Variants in MTHFD2L observed in about 807,000 individuals in gnomAD.
MTHFD2L encodes bifunctional methylenetetrahydrofolate dehydrogenase/cyclohydrolase 2, mitochondrial.
MTHFD2L carries 29 observed loss-of-function variants against 34.9 expected under a neutral mutation model. The ratio of observed to expected loss-of-function variants is 0.83; its 90% CI spans 0.62 to 1.13. MTHFD2L has a LOEUF of 1.13. Ranked by LOEUF, MTHFD2L falls within the 50% of genes most tolerant of loss-of-function variation. The probability of loss-of-function intolerance (pLI) is 0.00; values close to 1 mark genes in which losing one functional copy is unlikely to be tolerated. For synonymous variants in MTHFD2L, 167 were observed against 155.7 expected (o/e 1.07, Z -0.54); for missense variants, 481 against 446.5 (o/e 1.08, Z -0.70).
chr4:74,154,898 C>G (rs1261717031), upstream of MTHFD2L, among the ~76,000 whole-genome samples: 2 of 152,012 alleles, frequency 1.3e-5, no homozygotes, highest in Admixed American at 1.3e-4. Flanking sequence ...TATATGTAAC[C>G]ATCTGTATTT....
chr4:74,162,470 T>C (rs1560428206), intron 1 of MTHFD2L, among the ~76,000 whole-genome samples: 1 of 151,604 alleles, frequency 6.6e-6, no homozygotes, highest in Non-Finnish European at 1.5e-5. Context: ...AAAGTGAGGG[T>C]GTGTGTATAG....
intron 1 of MTHFD2L, among the ~76,000 whole-genome samples, chr4:74,126,700 T>A (rs1722099931): frequency 6.6e-6 from 1 of 152,258 alleles, no homozygotes; most frequent in Middle Eastern, 3.4e-3. Context: ...ATAAAAAATA[T>A]GGTGCCCTCC....
At chr4:74,298,388 T>C (rs1749883352) in intron 7 of MTHFD2L, among the ~76,000 whole-genome samples, 2 of 152,032 alleles carry the variant, frequency 1.3e-5, no homozygotes, top group Admixed American at 1.3e-4. Flanking sequence ...TGTGTTGGTT[T>C]CCACCAGCGA....
chr4:74,272,204 A>G (rs1309280697), intron 6 of MTHFD2L, among the ~76,000 whole-genome samples: 1 of 152,186 alleles, frequency 6.6e-6, no homozygotes, highest in East Asian at 1.9e-4. Context: ...CTCCCCTTTC[A>G]GAGTATCAAA....
intron 7 of MTHFD2L, among the ~76,000 whole-genome samples, chr4:74,298,543 A>G (rs1368656606): frequency 3.9e-5 from 6 of 152,034 alleles, no homozygotes; most frequent in African/African-American, 7.2e-5. Context: ...TCTGAAAAAC[A>G]TAATTTGGAA....
At chr4:74,262,409 A>G (rs553620188) in intron 6 of MTHFD2L, among the ~76,000 whole-genome samples, 1 of 152,064 alleles carries the variant, frequency 6.6e-6, no homozygotes, top group African/African-American at 2.4e-5. Context: ...AGGTATATAT[A>G]TATAATTCCT....
chr4:74,262,512 C>T lies in MTHFD2L; in HGVS notation c.806-18913C>T, dbSNP rs1003332792. Among the ~76,000 whole-genome samples, 3 of 151,730 alleles carry T rather than the reference C, an allele frequency of 2.0e-5. No individual in the cohort carries two copies. The East Asian group carries it at 5.8e-4, about 29-fold the overall frequency. On this transcript the variant is annotated intron_variant, in intron 6 of 7. Coordinates refer to ENST00000325278, the MANE Select transcript of MTHFD2L (RefSeq NM_001144978.3). ...TTATACATAACAAAGAATTAGTATG[C>T]AGCATATATAAATATGTTTTTAAAA...
intron 6 of MTHFD2L, among the ~76,000 whole-genome samples, chr4:74,246,575 A>T (rs933233753): frequency 1.8e-4 from 27 of 152,098 alleles, no homozygotes; most frequent in African/African-American, 6.0e-4. Flanking sequence ...CTGAATGGTA[A>T]TGCCTAGGTT....
intron 3 of MTHFD2L, among the ~76,000 whole-genome samples, chr4:74,186,870 G>T (rs1731382410): frequency 6.6e-6 from 1 of 152,078 alleles, no homozygotes; most frequent in Admixed American, 6.5e-5. Context: ...TTGAAAATGA[G>T]TAACATGGAG....
At chr4:74,243,208 T>C (rs1741956942) in intron 6 of MTHFD2L, among the ~76,000 whole-genome samples, 1 of 152,234 alleles carries the variant, frequency 6.6e-6, no homozygotes, top group Admixed American at 6.5e-5. Context: ...TTTTGTAGTT[T>C]TCTTTTACCT....
upstream of MTHFD2L, chr4:74,158,089 T>C (rs1437402715): frequency 6.5e-7 from 1 of 1,532,036 alleles, no homozygotes. Context: ...CCGCGAGGAC[T>C]GGAGTCGCGG....
chr4:74,294,669 C>T (rs750840850), intron 7 of MTHFD2L, among the ~76,000 whole-genome samples: 4 of 152,006 alleles, frequency 2.6e-5, no homozygotes, highest in Admixed American at 6.6e-5. Context: ...TAGTTTCTTC[C>T]ATCATCTCTA....
chr4:74,259,691 T>G (rs930471620), intron 6 of MTHFD2L, among the ~76,000 whole-genome samples: 2 of 152,172 alleles, frequency 1.3e-5, no homozygotes, highest in African/African-American at 4.8e-5. Context: ...AGGAGACTGG[T>G]AGTCCATGAA....
intron 6 of MTHFD2L, among the ~76,000 whole-genome samples, chr4:74,235,474 C>T (rs1578564843): frequency 6.6e-6 from 1 of 152,136 alleles, no homozygotes; most frequent in East Asian, 1.9e-4. Context: ...GTTGATGACA[C>T]TAGGTGTTAT....
chr4:74,255,201 T>G (rs1243796225), intron 6 of MTHFD2L, among the ~76,000 whole-genome samples: 1 of 148,284 alleles, frequency 6.7e-6, no homozygotes, highest in East Asian at 2.0e-4. Context: ...AAATGTAAAT[T>G]GTGACATCAG....
intron 7 of MTHFD2L, among the ~76,000 whole-genome samples, chr4:74,294,232 A>G (rs890085771): frequency 1.3e-5 from 2 of 152,298 alleles, no homozygotes; most frequent in East Asian, 3.9e-4. Flanking sequence ...TTTCCAAAAT[A>G]TACTAGCAAA....
At chr4:74,250,850 G>A (rs1205373252) in intron 6 of MTHFD2L, among the ~76,000 whole-genome samples, 1 of 152,186 alleles carries the variant, frequency 6.6e-6, no homozygotes, top group Non-Finnish European at 1.5e-5. Context: ...TGCCACAGCA[G>A]ACACAGTCTC....
intron 3 of MTHFD2L, among the ~76,000 whole-genome samples, chr4:74,192,468 A>T (rs1002267933): frequency 6.6e-6 from 1 of 152,202 alleles, no homozygotes; most frequent in Non-Finnish European, 1.5e-5. Context: ...ACTTTAGTGT[A>T]TACATCATTA....
At chr4:74,142,379 G>C (rs1723330111) in intron 1 of MTHFD2L, among the ~76,000 whole-genome samples, 1 of 152,126 alleles carries the variant, frequency 6.6e-6, no homozygotes, top group Admixed American at 6.6e-5. Context: ...TCATAAATGC[G>C]ATTAGTTTTC....
Sources: allele counts gnomAD v4.1 joint callset (sites outside exome capture counted in the v4.1 genomes callset), GRCh38; gene constraint gnomAD v4.1.1; transcripts MANE v1.5; gene names NCBI Gene and HGNC (gene_info 2026-07-23, HGNC 2026-07-21).